MME: variants seen among roughly 807,000 people sequenced by gnomAD.
MME encodes neprilysin.
Under a neutral mutation model 113.2 loss-of-function variants are expected in MME, and 98 were observed. The ratio of observed to expected loss-of-function variants is 0.87; its 90% CI spans 0.74 to 1.02. MME has a LOEUF of 1.02. MME is among the 50% of genes least tolerant of loss of function. MME has a pLI of 0.00. For synonymous variants in MME, 292 were observed against 300.6 expected (o/e 0.97, Z 0.30); for missense variants, 836 against 896.0 (o/e 0.93, Z 0.86).
intron 13 of MME, 68 bp downstream of exon 13, chr3:155,143,639 AATTACAGTTCTCCATCATTTGGCT>A: frequency 6.4e-7 from 1 of 1,560,760 alleles, no homozygotes; most frequent in Non-Finnish European, 8.8e-7. Flanking sequence ...ACTGATGAGC[AATTACAGTTCTCCATCATTTGGCT>A]AAAATTTTAT....
intron 22 of MME, among the ~76,000 whole-genome samples, chr3:155,174,145 G>GTAAC (rs1266275379): frequency 1.2e-4 from 19 of 152,198 alleles, no homozygotes; most frequent in South Asian, 2.1e-4. Flanking sequence ...CAGAATGTTA[G>GTAAC]TAACTGATCA....
intron 3 of MME, among the ~76,000 whole-genome samples, chr3:155,097,222 G>A (rs551132206): frequency 6.6e-6 from 1 of 152,268 alleles, no homozygotes; most frequent in South Asian, 2.1e-4. Context: ...GATGGTGTTG[G>A]AAATAAAGAT....
In MME at chr3:155,178,928, C is replaced by G. The variant is rs185205454; in HGVS notation, c.2154-1432C>G. Among the ~76,000 whole-genome samples the G allele has an allele frequency of 5.6e-4, 86 of 152,234 alleles. 1 individual carries two copies. Among genetic ancestry groups the G allele is most frequent in the Admixed American group, 5.1e-3 (78 of 15,276 alleles). Reference sequence around the variant, plus strand: ...TCCACAGATGTGGAACTCAAGGATACAAAGGCTGTATTTTGCCCTCATAGA... The same window carrying G: ...TCCACAGATGTGGAACTCAAGGATAGAAAGGCTGTATTTTGCCCTCATAGA... On this transcript the variant is annotated intron_variant, in intron 22 of 22. Coordinates refer to ENST00000360490, the MANE Select transcript of MME (RefSeq NM_007289.4).
At chr3:155,137,270 C>T (rs1720705284) in intron 8 of MME, among the ~76,000 whole-genome samples, 1 of 152,002 alleles carries the variant, frequency 6.6e-6, no homozygotes, top group South Asian at 2.1e-4. Flanking sequence ...TGGTGGAGCT[C>T]CTGACAACAC....
At chr3:155,108,095 C>T (rs1052002769) in intron 3 of MME, among the ~76,000 whole-genome samples, 16 of 152,284 alleles carry the variant, frequency 1.1e-4, no homozygotes, top group Admixed American at 3.9e-4. Context: ...TATTAATCAT[C>T]TGTGTGTCCA....
chr3:155,158,601 G>A (rs1197067741), intron 16 of MME: 1 of 151,642 alleles, frequency 6.6e-6, no homozygotes, highest in Non-Finnish European at 1.5e-5. Flanking sequence ...TCCTAATCAT[G>A]ATTTTTGTTT....
At chr3:155,133,908 A>T (rs1287602937) in intron 8 of MME, among the ~76,000 whole-genome samples, 2 of 150,684 alleles carry the variant, frequency 1.3e-5, no homozygotes, top group Non-Finnish European at 3.0e-5. Flanking sequence ...ACCCTGCTAA[A>T]GGTCGATTGA....
chr3:155,139,916 T>C (rs1457232904), intron 9 of MME, among the ~76,000 whole-genome samples: 3 of 152,160 alleles, frequency 2.0e-5, no homozygotes, highest in African/African-American at 7.2e-5. Context: ...CTCATAAATA[T>C]TGCTTATATG....
chr3:155,068,753 C>T (rs972452751), intron 1 of MME, among the ~76,000 whole-genome samples: 11 of 152,156 alleles, frequency 7.2e-5, no homozygotes, highest in Non-Finnish European at 1.2e-4. Context: ...TCTATTTAAT[C>T]GACCAGGAAA....
chr3:155,064,697 T>C (rs1714330268), intron 1 of MME, among the ~76,000 whole-genome samples: 1 of 152,218 alleles, frequency 6.6e-6, no homozygotes, highest in African/African-American at 2.4e-5. Context: ...AGCTCCTAGA[T>C]ATGTTCTTAA....
At chr3:155,139,552 TAGTTGGGG>T (rs1720895388) in intron 9 of MME, among the ~76,000 whole-genome samples, 3 of 152,214 alleles carry the variant, frequency 2.0e-5, no homozygotes, top group African/African-American at 7.2e-5. Context: ...TTTCAGCCAC[TAGTTGGGG>T]AGTTGTTATT....
chr3:155,130,902 A>C (rs946999561), intron 8 of MME, among the ~76,000 whole-genome samples: 30 of 152,210 alleles, frequency 2.0e-4, no homozygotes, highest in African/African-American at 6.5e-4. Context: ...GCTATGTGAC[A>C]GATACTTTTC....
chr3:155,133,462 G>A (rs2108294442), intron 8 of MME, among the ~76,000 whole-genome samples: 1 of 151,706 alleles, frequency 6.6e-6, no homozygotes, highest in East Asian at 2.0e-4. Flanking sequence ...TCTTGTGCTT[G>A]CCTTATATCA....
In MME at chr3:155,118,742, A is replaced by G. The variant is rs1204705160; in HGVS notation, c.655-4A>G. The G allele has an allele frequency of 1.9e-6, 3 of 1,565,640 alleles. No individual in the cohort carries two copies. Among genetic ancestry groups the G allele is most frequent in the Non-Finnish European group, 2.6e-6 (3 of 1,139,438 alleles). On this transcript the variant is annotated splice_region_variant and splice_polypyrimidine_tract_variant and intron_variant, in intron 7 of 22. Transcript: ENST00000360490. ...TTATTTTCTTTTATGTATATTTTTT[A>G]TAGATTGACCAACCTCGACTTGGCC...
chr3:155,152,819 C>T (rs571649313), intron 16 of MME, among the ~76,000 whole-genome samples: 9 of 151,086 alleles, frequency 6.0e-5, no homozygotes, highest in East Asian at 5.9e-4. Context: ...CTAGCCTGAG[C>T]GACAGAGAGA....
chr3:155,159,192 G>C (rs1722529902), intron 16 of MME, among the ~76,000 whole-genome samples: 1 of 151,940 alleles, frequency 6.6e-6, no homozygotes, highest in African/African-American at 2.4e-5. Flanking sequence ...TGTAACTAAA[G>C]CAACATTGTA....
intron 17 of MME, among the ~76,000 whole-genome samples, chr3:155,164,015 A>G (rs867399137): frequency 6.6e-6 from 1 of 151,910 alleles, no homozygotes; most frequent in African/African-American, 2.4e-5. Context: ...ATGGTGGTGC[A>G]TGCCTGTGGT....
At chr3:155,026,613 A>G (rs1712795757) in intron 1 of MME, among the ~76,000 whole-genome samples, 1 of 152,158 alleles carries the variant, frequency 6.6e-6, no homozygotes, top group East Asian at 1.9e-4. Flanking sequence ...CATCCCAGCT[A>G]CTTGGGAGCC....
upstream of MME, among the ~76,000 whole-genome samples, chr3:155,077,580 A>G (rs1714792602): frequency 6.6e-6 from 1 of 152,162 alleles, no homozygotes; most frequent in East Asian, 1.9e-4. Context: ...GTTTCTAATC[A>G]ACTTTAATGA....
Sources: allele counts gnomAD v4.1 joint callset (sites outside exome capture counted in the v4.1 genomes callset), GRCh38; gene constraint gnomAD v4.1.1; transcripts MANE v1.5; gene names NCBI Gene and HGNC (gene_info 2026-07-23, HGNC 2026-07-21).